ERBB4: variants seen among roughly 807,000 people sequenced by gnomAD.
The protein encoded by ERBB4 is erb-b2 receptor tyrosine kinase 4, also known as receptor tyrosine-protein kinase erbB-4.
A neutral mutation model predicts 158.0 loss-of-function variants in ERBB4; 42 were observed. The ratio of observed to expected loss-of-function variants is 0.27; its 90% confidence interval spans 0.21 to 0.34. The LOEUF is 0.34. Ranked by LOEUF, ERBB4 falls within the 10% of genes least tolerant of loss-of-function variation. The pLI, the probability that ERBB4 is intolerant of heterozygous loss-of-function variation, is 1.00. For synonymous variants in ERBB4, 583 were observed against 558.7 expected (o/e 1.04, Z -0.61); for missense variants, 1,333 against 1,624.1 (o/e 0.82, Z 3.08).
At chr2:211,791,468 T>G (rs1220389017) in intron 3 of ERBB4, among the ~76,000 whole-genome samples, 1 of 151,866 alleles carries the variant, frequency 6.6e-6, no homozygotes, top group Non-Finnish European at 1.5e-5. Flanking sequence ...ACACATTTAA[T>G]TGATACTCAA....
intron 3 of ERBB4, among the ~76,000 whole-genome samples, chr2:211,831,440 G>A (rs12618478): frequency 0.22 from 32,665 of 151,922 alleles, 3,651 homozygotes; most frequent in South Asian, 0.33. Context: ...ACTAATTTCC[G>A]TACTACAAAA....
chr2:212,264,987 T>C (rs2085077343), intron 1 of ERBB4, among the ~76,000 whole-genome samples: 1 of 152,068 alleles, frequency 6.6e-6, no homozygotes, highest in African/African-American at 2.4e-5. Flanking sequence ...TCCTACTGTC[T>C]CTATTCTTCC....
At chr2:211,737,240 T>C (rs189944831) in intron 5 of ERBB4, among the ~76,000 whole-genome samples, 1 of 152,084 alleles carries the variant, frequency 6.6e-6, no homozygotes, top group East Asian at 1.9e-4. Flanking sequence ...AAACACACAA[T>C]TAAAAGTAAT....
At chr2:212,351,179 A>C (rs1056988293) in intron 1 of ERBB4, among the ~76,000 whole-genome samples, 1 of 152,138 alleles carries the variant, frequency 6.6e-6, no homozygotes, top group African/African-American at 2.4e-5. Context: ...AGGTGTCCTT[A>C]TAAGGAGAAG....
At chr2:211,711,571 C>T (rs111963245) in intron 9 of ERBB4, among the ~76,000 whole-genome samples, 1,716 of 152,152 alleles carry the variant, frequency 0.011, 29 homozygotes, top group African/African-American at 0.038. Flanking sequence ...GGAAACAAGA[C>T]GAAAATAACA....
rs534542313 is a variant in ERBB4 at position 212,310,868 on chromosome 2, A to G, written c.83-185965T>C. On this transcript the variant is annotated intron_variant, in intron 1 of 27. Transcript: ENST00000342788. Reference sequence around the variant, plus strand: ...CAGTCACCATTTAAAAAGTTAAAAAAAAAATGAAATTCATTTACATAATAT... The same window carrying G: ...CAGTCACCATTTAAAAAGTTAAAAAGAAAATGAAATTCATTTACATAATAT... 1.4e-4 allele frequency among the ~76,000 whole-genome samples: 21 copies of G among 150,736 alleles called. No homozygotes were observed. In the South Asian group the frequency reaches 2.5e-3, roughly 18 times the overall value.
chr2:212,083,719 T>C (rs2078515815), intron 2 of ERBB4, among the ~76,000 whole-genome samples: 1 of 151,904 alleles, frequency 6.6e-6, no homozygotes, highest in South Asian at 2.1e-4. Flanking sequence ...AGTAAAGCAT[T>C]CTGGAAACTG....
At chr2:212,075,318 T>C (rs1192113770) in intron 2 of ERBB4, among the ~76,000 whole-genome samples, 1 of 151,930 alleles carries the variant, frequency 6.6e-6, no homozygotes, top group African/African-American at 2.4e-5. Context: ...AATAATTGTC[T>C]TGGGACATTG....
In ERBB4 at chr2:212,481,142, T is replaced by C. The variant is rs1461916908; in HGVS notation, c.82+57307A>G. ...TATATATCTCTTTATATCACATTTA[T>C]GTTATAGAATATATCTGTAAATTAC... is the stretch of plus-strand genomic sequence containing the variant. On this transcript the variant is annotated intron_variant, in intron 1 of 27. Transcript: ENST00000342788. Among the ~76,000 whole-genome samples the C allele has an allele frequency of 2.6e-5, 4 of 151,514 alleles. No individual in the cohort carries two copies. In the East Asian group the frequency reaches 5.8e-4, roughly 22 times the overall value.
chr2:211,477,969 A>G (rs1432942164), intron 20 of ERBB4, among the ~76,000 whole-genome samples: 1 of 152,160 alleles, frequency 6.6e-6, no homozygotes, highest in East Asian at 1.9e-4. Flanking sequence ...TGGTGGCTTA[A>G]AAGTAGTAAA....
At chr2:211,427,713 C>T (rs1375445768) in intron 22 of ERBB4, among the ~76,000 whole-genome samples, 1 of 151,876 alleles carries the variant, frequency 6.6e-6, no homozygotes, top group Non-Finnish European at 1.5e-5. Flanking sequence ...TGCAAGAAAC[C>T]CACAAAAAAG....
chr2:212,235,455 C>T (rs759891359), intron 1 of ERBB4, among the ~76,000 whole-genome samples: 11 of 152,196 alleles, frequency 7.2e-5, no homozygotes, highest in African/African-American at 2.6e-4. Flanking sequence ...TATCCGGGCT[C>T]TTTTTTCGTT....
chr2:211,925,375 GCTTTT>G lies in ERBB4; in HGVS notation c.421+22050_421+22054del, dbSNP rs1440427952. ...TCATATTTGAAACAAAAACAAGACTGCTTTTTTTTTTTTTTTTTTTTTTTTGAGAG... is the reference window on the plus strand; with the variant it reads ...TCATATTTGAAACAAAAACAAGACTGTTTTTTTTTTTTTTTTTTTTGAGAG... On this transcript the variant is annotated intron_variant, in intron 3 of 27. Coordinates refer to ENST00000342788, the MANE Select transcript of ERBB4 (RefSeq NM_005235.3). Among the ~76,000 whole-genome samples, 117 of 117,152 alleles carry G rather than the reference GCTTTT, an allele frequency of 1.0e-3. 2 individuals carry two copies. The South Asian group carries it at 0.026, about 26-fold the overall frequency. The allele number at this position is 117,152 out of a possible 152,430, so 76.9% of individuals were successfully genotyped here. A position where few individuals can be genotyped will look rare whatever the true frequency, so the allele number is the denominator to read the frequency against.
intron 9 of ERBB4, among the ~76,000 whole-genome samples, chr2:211,709,863 T>C (rs375517756): frequency 7.9e-5 from 12 of 152,204 alleles, no homozygotes; most frequent in African/African-American, 1.9e-4. Context: ...TCTTTTGTCA[T>C]ATAACAATGT....
rs115225063 is a variant in ERBB4, at chr2:211,743,324, A to G, written c.622+7315T>C. Among the ~76,000 whole-genome samples the G allele has an allele frequency of 6.3e-3, 953 of 152,246 alleles. 16 individuals carry two copies. Among genetic ancestry groups the G allele is most frequent in the African/African-American group, 0.022 (907 of 41,564 alleles). ...AAATCAAACTGTAATGTTTGGATAT[A>G]TGCCTTTTTCCCCCTCCTCACTCAA... On this transcript the variant is annotated intron_variant, in intron 5 of 27. Coordinates refer to ENST00000342788, the MANE Select transcript of ERBB4 (RefSeq NM_005235.3).
intron 16 of ERBB4, among the ~76,000 whole-genome samples, chr2:211,640,017 CTAGCCTTGAAAACATTTTTAAAGTAA>C (rs2070514591): frequency 6.6e-6 from 1 of 152,176 alleles, no homozygotes; most frequent in African/African-American, 2.4e-5. Flanking sequence ...GCCACCAAGT[CTAGCCTTGAAAACATTTTTAAAGTAA>C]TAGCCTGGTT....
intron 4 of ERBB4, among the ~76,000 whole-genome samples, chr2:211,765,574 T>C (rs993352991): frequency 1.8e-4 from 28 of 152,172 alleles, no homozygotes; most frequent in Non-Finnish European, 3.2e-4. Context: ...AACTGCATGA[T>C]GGTAATCAAT....
intron 21 of ERBB4, among the ~76,000 whole-genome samples, chr2:211,428,889 G>A (rs1392565122): frequency 6.6e-6 from 1 of 151,716 alleles, no homozygotes; most frequent in Non-Finnish European, 1.5e-5. Flanking sequence ...GCTAATTTTT[G>A]CATTTTTTTA....
chr2:211,418,098 TG>T (rs1297287983), intron 25 of ERBB4, among the ~76,000 whole-genome samples: 11 of 143,164 alleles, frequency 7.7e-5, no homozygotes, highest in African/African-American at 2.7e-4. Context: ...TTTTTTTTTT[TG>T]GTTTCAAAGT....
Sources: gnomAD v4.1 joint callset for allele counts (sites outside exome capture counted in the v4.1 genomes callset) on GRCh38, gnomAD v4.1.1 for gene constraint, MANE v1.5 for transcripts, NCBI Gene and HGNC (gene_info 2026-07-23, HGNC 2026-07-21) for gene names.